CCDC141: variants seen among roughly 807,000 people sequenced by gnomAD.
CCDC141 encodes the protein coiled-coil domain-containing protein 141.
CCDC141 carries 168 observed loss-of-function variants against 181.0 expected under a neutral mutation model. The ratio of observed to expected loss-of-function variants is 0.93; its 90% CI spans 0.82 to 1.05. CCDC141 has a LOEUF of 1.05. Among genes scored for constraint, CCDC141 ranks in the 50% least tolerant of loss-of-function variants. The probability of loss-of-function intolerance (pLI) is 0.00; values close to 1 mark genes in which losing one functional copy is unlikely to be tolerated. For missense variants in CCDC141, 1,902 were observed against 1,788.5 expected (o/e 1.06, Z -1.14); for synonymous variants, 666 against 642.3 (o/e 1.04, Z -0.56).
intron 23 of CCDC141, chr2:178,836,099 A>G (rs2154365669): frequency 6.5e-6 from 1 of 152,728 alleles, no homozygotes; most frequent in Middle Eastern, 3.4e-3. Context: ...CAGATTTGTA[A>G]CTTTGTCCTG....
At chr2:178,869,050 T>C (rs1685988106) in intron 15 of CCDC141, 67 bp downstream of exon 15, 4 of 1,200,740 alleles carry the variant, frequency 3.3e-6, no homozygotes, top group Non-Finnish European at 4.5e-6. Flanking sequence ...ATTTATTATA[T>C]AATAATTCAT....
chr2:178,996,086 C>CTT (rs11356005), intron 2 of CCDC141, among the ~76,000 whole-genome samples: 4 of 137,586 alleles, frequency 2.9e-5, no homozygotes, highest in Non-Finnish European at 4.7e-5. Flanking sequence ...TTTTAAAATT[C>CTT]TTTTTTTTTT....
chr2:178,872,107 T>C (rs765835555), intron 13 of CCDC141, 26 bp downstream of exon 13: 1 of 1,601,442 alleles, frequency 6.2e-7, no homozygotes, highest in South Asian at 1.1e-5. Context: ...TCATTCCTTT[T>C]CACATCCCAT....
chr2:178,823,173 A>G, the CCDC141 span, among the ~76,000 whole-genome samples: 1 of 49,482 alleles, frequency 2.0e-5, no homozygotes, highest in Admixed American at 2.8e-4. Context: ...ATTAACCACC[A>G]TGATTATTTT....
intron 22 of CCDC141, among the ~76,000 whole-genome samples, chr2:178,841,117 T>C (rs1005237401): frequency 6.6e-6 from 1 of 152,222 alleles, no homozygotes; most frequent in Non-Finnish European, 1.5e-5. Context: ...TCAACTAAAA[T>C]GTCCTACCTC....
intron 6 of CCDC141, among the ~76,000 whole-genome samples, chr2:178,933,807 T>C (rs1033321364): frequency 2.0e-5 from 3 of 151,820 alleles, no homozygotes; most frequent in Non-Finnish European, 4.4e-5. Context: ...GAAGCAAGGG[T>C]AAGAGGAGGG....
intron 6 of CCDC141, among the ~76,000 whole-genome samples, chr2:178,941,348 T>C (rs2086240096): frequency 6.6e-6 from 1 of 152,212 alleles, no homozygotes; most frequent in Non-Finnish European, 1.5e-5. Flanking sequence ...TAACCCCATA[T>C]GATTCGGAGA....
chr2:178,980,215 C>T (rs546969427), intron 2 of CCDC141, among the ~76,000 whole-genome samples: 1 of 151,972 alleles, frequency 6.6e-6, no homozygotes, highest in Non-Finnish European at 1.5e-5. Flanking sequence ...GCTGGGAGAC[C>T]GAGGCGGGCA....
At chr2:178,902,323 G>A (rs1687738300) in intron 8 of CCDC141, among the ~76,000 whole-genome samples, 1 of 152,150 alleles carries the variant, frequency 6.6e-6, no homozygotes, top group Non-Finnish European at 1.5e-5. Context: ...AAAGAACAAA[G>A]CTGGAGGCAT....
At chr2:178,862,988 T>C (rs1023271161) in intron 17 of CCDC141, among the ~76,000 whole-genome samples, 2 of 152,162 alleles carry the variant, frequency 1.3e-5, no homozygotes, top group East Asian at 1.9e-4. Context: ...ATCTTAGATA[T>C]ACCAGAAAAT....
intron 6 of CCDC141, among the ~76,000 whole-genome samples, chr2:178,929,952 T>G (rs1689038120): frequency 6.6e-6 from 1 of 152,090 alleles, no homozygotes; most frequent in Non-Finnish European, 1.5e-5. Flanking sequence ...TGGTCTAGAA[T>G]ACACTGAAGT....
intron 2 of CCDC141, among the ~76,000 whole-genome samples, chr2:179,036,874 CTCT>C (rs1481053536): frequency 6.6e-6 from 1 of 152,212 alleles, no homozygotes; most frequent in Non-Finnish European, 1.5e-5. Context: ...TCACTCCTTT[CTCT>C]TCAAGATTCT....
intron 2 of CCDC141, among the ~76,000 whole-genome samples, chr2:178,992,044 G>A (rs1485058210): frequency 6.6e-6 from 1 of 151,818 alleles, no homozygotes; most frequent in African/African-American, 2.4e-5. Flanking sequence ...AATTTCTCAA[G>A]TATGTACCCA....
intron 1 of CCDC141, among the ~76,000 whole-genome samples, chr2:179,048,990 G>C (rs1006796652): frequency 6.6e-6 from 1 of 152,200 alleles, no homozygotes; most frequent in African/African-American, 2.4e-5. Flanking sequence ...ACTGGTTTGT[G>C]ACCATCAGCT....
intron 5 of CCDC141, among the ~76,000 whole-genome samples, chr2:178,956,036 C>A (rs1336237956): frequency 6.6e-6 from 1 of 152,128 alleles, no homozygotes; most frequent in Non-Finnish European, 1.5e-5. Flanking sequence ...ACTGCTAACA[C>A]TAAGATAGTA....
intron 14 of CCDC141, among the ~76,000 whole-genome samples, chr2:178,869,811 G>A (rs1228500362): frequency 2.6e-5 from 4 of 152,188 alleles, no homozygotes; most frequent in Admixed American, 1.3e-4. Flanking sequence ...TTCAAAAGCG[G>A]TCATCCCATG....
chr2:179,020,782 T>C (rs1297571113), intron 2 of CCDC141, among the ~76,000 whole-genome samples: 2 of 152,174 alleles, frequency 1.3e-5, no homozygotes, highest in African/African-American at 2.4e-5. Context: ...TCTAATCTAG[T>C]TTTATGTGGA....
At chr2:179,033,169 G>A (rs189095971) in intron 2 of CCDC141, among the ~76,000 whole-genome samples, 141 of 151,780 alleles carry the variant, frequency 9.3e-4, no homozygotes, top group Non-Finnish European at 1.6e-3. Flanking sequence ...AATACATATG[G>A]ACAGTTGGTT....
At chr2:178,981,345 G>C (rs1180234766) in intron 2 of CCDC141, among the ~76,000 whole-genome samples, 1 of 151,414 alleles carries the variant, frequency 6.6e-6, no homozygotes, top group African/African-American at 2.4e-5. Context: ...CATATCCTGG[G>C]CCATAAAACA....
Sources: allele counts gnomAD v4.1 joint callset (sites outside exome capture counted in the v4.1 genomes callset), GRCh38; gene constraint gnomAD v4.1.1; transcripts MANE v1.5; gene names NCBI Gene and HGNC (gene_info 2026-07-23, HGNC 2026-07-21).